Variants in SORL1-AS1 observed in about 807,000 individuals in gnomAD.
SORL1-AS1 encodes the protein lncRNA 51 A.
downstream of SORL1-AS1, among the ~76,000 whole-genome samples, chr11:121,443,117 T>C (rs188346466): frequency 1.3e-5 from 2 of 152,322 alleles, no homozygotes; most frequent in East Asian, 1.9e-4. Flanking sequence ...CTTCTGACTT[T>C]ACTAATGACA....
downstream of SORL1-AS1, among the ~76,000 whole-genome samples, chr11:121,445,297 CTG>C (rs1860708120): frequency 6.6e-6 from 1 of 152,186 alleles, no homozygotes; most frequent in African/African-American, 2.4e-5. Context: ...CCCACTTCTC[CTG>C]AGCTGTAGCA....
At chr11:121,446,891 T>C (rs1378621659), downstream of SORL1-AS1, among the ~76,000 whole-genome samples, 1 of 152,220 alleles carries the variant, frequency 6.6e-6, no homozygotes, top group East Asian at 1.9e-4. Context: ...TCAACTGTGC[T>C]GTGTCCAAGC....
At position 121,452,251 on chromosome 11, in the gene SORL1-AS1, C is replaced by G. The variant is rs1037506580; in HGVS notation, n.339+424G>C. The G allele has an allele frequency of 2.5e-6, 3 of 1,218,050 alleles. No homozygotes were observed. The African/African-American group carries it at 4.8e-5, about 19-fold the overall frequency. The allele number at this position is 1,218,050 out of a possible 1,614,324, so 75.5% of individuals were successfully genotyped here. ...GAGCCCCGGGAGCGGCGCGCGCGGTCCCGGCCCAGCGGCTCTCCTGGCCTC... is the reference window on the plus strand; with the variant it reads ...GAGCCCCGGGAGCGGCGCGCGCGGTGCCGGCCCAGCGGCTCTCCTGGCCTC... On this transcript the variant is annotated intron_variant and non_coding_transcript_variant, in intron 1 of 1. Coordinates refer to ENST00000501964, the Ensembl canonical transcript of SORL1-AS1. This position sits in a 1 kb window ranked among gnomAD's most constrained non-coding sequence, Gnocchi z 5.3.
downstream of SORL1-AS1, among the ~76,000 whole-genome samples, chr11:121,442,997 GAA>G (rs1160398589): frequency 2.0e-4 from 21 of 105,774 alleles, 1 homozygote; most frequent in South Asian, 1.3e-3. Flanking sequence ...TCTCACAAAA[GAA>G]AAAAAAAAAA....
chr11:121,443,661 G>C (rs1297517431), downstream of SORL1-AS1, among the ~76,000 whole-genome samples: 1 of 152,232 alleles, frequency 6.6e-6, no homozygotes, highest in Non-Finnish European at 1.5e-5. Flanking sequence ...ATTGGCACTT[G>C]AAGCATCCTG....
At chr11:121,446,185 C>A (rs183048028), downstream of SORL1-AS1, among the ~76,000 whole-genome samples, 465 of 152,246 alleles carry the variant, frequency 3.1e-3, 1 homozygote, top group Middle Eastern at 0.014. Context: ...CTGTTAAGTA[C>A]AAGACAGGGG....
chr11:121,450,099 A>C lies in SORL1-AS1; in HGVS notation n.340-200T>G, dbSNP rs1860770210. The stretch of plus-strand genomic sequence containing the variant: ...CCTTAAGCCAGCAGTTTGTGTGGGC[A>C]AACAGATGCCCATCTTCAAATCCAC... On this transcript the variant is annotated intron_variant and non_coding_transcript_variant, in intron 1 of 1. Transcript: ENST00000501964. The surrounding 1 kb of genome is among the most constrained non-coding windows in gnomAD (Gnocchi z 5.2). Among the ~76,000 whole-genome samples, 1 of 152,228 alleles carries C rather than the reference A, an allele frequency of 6.6e-6. No individual in the cohort carries two copies. Among genetic ancestry groups the C allele is most frequent in the Non-Finnish European group, 1.5e-5 (1 of 68,044 alleles).
downstream of SORL1-AS1, among the ~76,000 whole-genome samples, chr11:121,444,446 A>C (rs73009201): frequency 0.096 from 14,596 of 152,308 alleles, 789 homozygotes; most frequent in Non-Finnish European, 0.12. Context: ...GGCTCTGAGA[A>C]AGTACCTGAG....
chr11:121,446,520 G>A (rs1338757073), downstream of SORL1-AS1, among the ~76,000 whole-genome samples: 2 of 152,176 alleles, frequency 1.3e-5, no homozygotes, highest in African/African-American at 2.4e-5. Context: ...GGAAGCTGAG[G>A]TGGGCAGATC....
chr11:121,444,597 G>T (rs950638807), downstream of SORL1-AS1, among the ~76,000 whole-genome samples: 1 of 152,198 alleles, frequency 6.6e-6, no homozygotes, highest in African/African-American at 2.4e-5. Flanking sequence ...GTGATTAAAT[G>T]ATCTGGGCAA....
At chr11:121,447,010 G>A (rs755275101), downstream of SORL1-AS1, among the ~76,000 whole-genome samples, 4 of 152,168 alleles carry the variant, frequency 2.6e-5, no homozygotes, top group South Asian at 2.1e-4. Context: ...GTAATTACAC[G>A]GGGATATTCA....
chr11:121,452,253 CG>C lies in SORL1-AS1; in HGVS notation n.339+421del, dbSNP rs1860808249. 4.1e-6 allele frequency: 5 copies of C among 1,227,436 alleles called. No homozygotes were observed. In the South Asian group the frequency reaches 6.8e-5, roughly 17 times the overall value. The allele number at this position is 1,227,436 out of a possible 1,614,324, so 76.0% of individuals were successfully genotyped here. On this transcript the variant is annotated intron_variant and non_coding_transcript_variant, in intron 1 of 1. Transcript: ENST00000501964. The surrounding 1 kb of genome is among the most constrained non-coding windows in gnomAD (Gnocchi z 5.3). ...GCCCCGGGAGCGGCGCGCGCGGTCCCGGCCCAGCGGCTCTCCTGGCCTCGCG... is the reference window on the plus strand; with the variant it reads ...GCCCCGGGAGCGGCGCGCGCGGTCCCGCCCAGCGGCTCTCCTGGCCTCGCG...
Position 121,452,342 on chromosome 11 carries a change from G to A in SORL1-AS1, n.339+333C>T. ...AGCGTTCGCCCGAACATGGCGACAC[G>A]GAGCAGCAGGAGGGAGTCGCGACTC... is the stretch of plus-strand genomic sequence containing the variant. On this transcript the variant is annotated intron_variant and non_coding_transcript_variant, in intron 1 of 1. Coordinates refer to ENST00000501964, the Ensembl canonical transcript of SORL1-AS1. The surrounding 1 kb of genome is among the most constrained non-coding windows in gnomAD (Gnocchi z 5.3). 1 of 1,546,562 alleles carries A rather than the reference G, an allele frequency of 6.5e-7. No individual in the cohort carries two copies. Among genetic ancestry groups the A allele is most frequent in the Middle Eastern group, 2.2e-4 (1 of 4,470 alleles).
chr11:121,440,397 A>T, the SORL1-AS1 span, among the ~76,000 whole-genome samples: 29 of 152,222 alleles, frequency 1.9e-4, no homozygotes, highest in South Asian at 5.6e-3. Flanking sequence ...AAACAAACAA[A>T]TAAAGAACTC....
downstream of SORL1-AS1, among the ~76,000 whole-genome samples, chr11:121,445,996 C>T (rs931715357): frequency 6.6e-6 from 1 of 152,174 alleles, no homozygotes. Flanking sequence ...TCAGAGGCCT[C>T]TCTGCCATTC....
At chr11:121,439,312 T>C in the SORL1-AS1 span, among the ~76,000 whole-genome samples, 4 of 152,066 alleles carry the variant, frequency 2.6e-5, no homozygotes, top group Admixed American at 1.3e-4. Flanking sequence ...CAATCTGCAC[T>C]TCCCTGACGA....
the SORL1-AS1 span, among the ~76,000 whole-genome samples, chr11:121,439,089 T>G: frequency 6.6e-6 from 1 of 152,190 alleles, no homozygotes; most frequent in Non-Finnish European, 1.5e-5. Flanking sequence ...TTTGTAGACA[T>G]ATAGTTTCAT....
downstream of SORL1-AS1, among the ~76,000 whole-genome samples, chr11:121,446,503 C>T (rs1860725769): frequency 6.6e-6 from 1 of 152,142 alleles, no homozygotes; most frequent in Non-Finnish European, 1.5e-5. Context: ...GTAATCCCAG[C>T]ACTTTGGGAA....
chr11:121,440,653 T>C, the SORL1-AS1 span, among the ~76,000 whole-genome samples: 2 of 152,346 alleles, frequency 1.3e-5, no homozygotes, highest in African/African-American at 4.8e-5. Context: ...TACTTCTTTC[T>C]TGAAGACCTT....
Sources: gnomAD v4.1 joint callset for allele counts (sites outside exome capture counted in the v4.1 genomes callset) on GRCh38, gnomAD v4.1.1 for gene constraint, Gnocchi (gnomAD v3.1) non-coding constraint, MANE v1.5 for transcripts, NCBI Gene and HGNC (gene_info 2026-07-23, HGNC 2026-07-21) for gene names.